The following MGMT variants were observed in gnomAD, a reference collection of about 807,000 sequenced individuals.
The protein encoded by MGMT is methylated-DNA--protein-cysteine methyltransferase.
A neutral mutation model predicts 15.9 loss-of-function variants in MGMT; 14 were observed. The ratio of observed to expected loss-of-function variants is 0.88; its 90% CI spans 0.58 to 1.37. The LOEUF (loss-of-function observed/expected upper bound fraction) is 1.37. MGMT is among the 40% of genes most tolerant of loss of function. The probability of loss-of-function intolerance (pLI) is 0.00; values close to 1 mark genes in which losing one functional copy is unlikely to be tolerated. For missense variants in MGMT, 282 were observed against 268.1 expected (o/e 1.05, Z -0.36); for synonymous variants, 130 against 118.2 (o/e 1.10, Z -0.65).
chr10:129,764,731 G>T (rs1848913949), intron 4 of MGMT, among the ~76,000 whole-genome samples: 1 of 152,244 alleles, frequency 6.6e-6, no homozygotes, highest in African/African-American at 2.4e-5. Flanking sequence ...TACCCGGAGT[G>T]ATACCCGGAG....
intron 2 of MGMT, among the ~76,000 whole-genome samples, chr10:129,621,389 G>T (rs1452774554): frequency 2.6e-5 from 4 of 152,154 alleles, no homozygotes; most frequent in Non-Finnish European, 5.9e-5. Flanking sequence ...ACAGTCATTT[G>T]TCGAGAAATA....
chr10:129,657,849 A>G (rs1041155349), intron 2 of MGMT, among the ~76,000 whole-genome samples: 2 of 152,116 alleles, frequency 1.3e-5, no homozygotes, highest in African/African-American at 4.8e-5. Context: ...GATGCTGGGA[A>G]TGGGAGGATT....
At chr10:129,662,883 T>A (rs1260305763) in intron 2 of MGMT, among the ~76,000 whole-genome samples, 2 of 152,118 alleles carry the variant, frequency 1.3e-5, no homozygotes, top group East Asian at 3.9e-4. Flanking sequence ...ATAAAACCCA[T>A]GTAACACAGA....
intron 2 of MGMT, among the ~76,000 whole-genome samples, chr10:129,567,891 A>G (rs1192952513): frequency 6.6e-6 from 1 of 152,188 alleles, no homozygotes; most frequent in Non-Finnish European, 1.5e-5. Flanking sequence ...CGCAACAAAC[A>G]TCTGTCATTG....
chr10:129,539,104 GT>G (rs1385890241), intron 2 of MGMT, among the ~76,000 whole-genome samples: 5 of 152,176 alleles, frequency 3.3e-5, no homozygotes, highest in South Asian at 2.1e-4. Flanking sequence ...ATGAGTAGAG[GT>G]TTTAAATTTT....
chr10:129,741,902 C>G (rs1589970719), intron 3 of MGMT, among the ~76,000 whole-genome samples: 1 of 152,200 alleles, frequency 6.6e-6, no homozygotes, highest in East Asian at 1.9e-4. Flanking sequence ...AGGCTCGGAG[C>G]CCCCATCAGC....
chr10:129,619,909 A>G (rs989586899), intron 2 of MGMT, among the ~76,000 whole-genome samples: 4 of 151,912 alleles, frequency 2.6e-5, no homozygotes, highest in African/African-American at 9.7e-5. Flanking sequence ...TCTGTATTTT[A>G]TTGATTTTTA....
chr10:129,735,466 T>C (rs1455941002), intron 3 of MGMT, among the ~76,000 whole-genome samples: 1 of 152,214 alleles, frequency 6.6e-6, no homozygotes, highest in Admixed American at 6.5e-5. Context: ...TCTTTATTAG[T>C]CTTGCTAGCG....
intron 2 of MGMT, among the ~76,000 whole-genome samples, chr10:129,635,986 TTTTAGTTTAAAATA>T (rs1847260603): frequency 1.3e-5 from 2 of 152,368 alleles, no homozygotes; most frequent in South Asian, 4.1e-4. Flanking sequence ...ATTTACATAT[TTTTAGTTTAAAATA>T]TGCATGCTCT....
chr10:129,646,733 TATATATATATA>T (rs1288603846), intron 2 of MGMT, among the ~76,000 whole-genome samples: 4 of 103,184 alleles, frequency 3.9e-5, no homozygotes, highest in South Asian at 5.7e-4. Flanking sequence ...TATATATATA[TATATATATATA>T]TATATATATA....
chr10:129,507,421 T>C (rs12258673), intron 1 of MGMT, among the ~76,000 whole-genome samples: 10,418 of 152,198 alleles, frequency 0.068, 1,182 homozygotes, highest in African/African-American at 0.24. Context: ...TGTGCACAGC[T>C]GTCCTACAGC....
intron 2 of MGMT, among the ~76,000 whole-genome samples, chr10:129,663,579 T>C (rs1293047535): frequency 6.6e-6 from 1 of 152,092 alleles, no homozygotes; most frequent in African/African-American, 2.4e-5. Context: ...AGACAAATCA[T>C]TAGTTATTTT....
intron 2 of MGMT, among the ~76,000 whole-genome samples, chr10:129,676,331 A>G (rs1847785708): frequency 6.6e-6 from 1 of 152,196 alleles, no homozygotes; most frequent in Non-Finnish European, 1.5e-5. Flanking sequence ...GGCGGCACCC[A>G]CCAGTTCCTT....
intron 2 of MGMT, among the ~76,000 whole-genome samples, chr10:129,668,526 G>T (rs1847685587): frequency 6.6e-6 from 1 of 152,190 alleles, no homozygotes; most frequent in Non-Finnish European, 1.5e-5. Context: ...TATTCCCCAT[G>T]TCTATGCAGT....
intron 1 of MGMT, among the ~76,000 whole-genome samples, chr10:129,527,179 T>C (rs10741196): frequency 1 from 152,036 of 152,356 alleles, 75,859 homozygotes; most frequent in Middle Eastern, 1. Flanking sequence ...TGTGCAAGCC[T>C]GAGAGGCAGA....
At chr10:129,670,200 G>A (rs1847706403) in intron 2 of MGMT, among the ~76,000 whole-genome samples, 1 of 151,932 alleles carries the variant, frequency 6.6e-6, no homozygotes, top group Non-Finnish European at 1.5e-5. Flanking sequence ...CAGAGTACCT[G>A]CTAGTAGGTA....
At chr10:129,481,504 C>T (rs754420904) in intron 1 of MGMT, among the ~76,000 whole-genome samples, 5 of 152,126 alleles carry the variant, frequency 3.3e-5, no homozygotes, top group African/African-American at 4.8e-5. Flanking sequence ...GTTTGTGTAC[C>T]GTTAGCATTG....
At chr10:129,475,201 A>G (rs1845276990) in intron 1 of MGMT, among the ~76,000 whole-genome samples, 1 of 151,742 alleles carries the variant, frequency 6.6e-6, no homozygotes, top group South Asian at 2.1e-4. Flanking sequence ...AGGTCCTATG[A>G]GGGTCACGGG....
intron 2 of MGMT, among the ~76,000 whole-genome samples, chr10:129,576,421 C>T (rs1450896319): frequency 6.6e-6 from 1 of 152,082 alleles, no homozygotes; most frequent in Non-Finnish European, 1.5e-5. Flanking sequence ...GTAAACAGAA[C>T]CAAAGACAAA....
Sources: gnomAD v4.1 joint callset for allele counts (sites outside exome capture counted in the v4.1 genomes callset) on GRCh38, gnomAD v4.1.1 for gene constraint, MANE v1.5 for transcripts, NCBI Gene and HGNC (gene_info 2026-07-23, HGNC 2026-07-21) for gene names.